TAFA2: variants seen among roughly 807,000 people sequenced by gnomAD.
TAFA2 encodes TAFA chemokine like family member 2.
Under a neutral mutation model 18.8 loss-of-function variants are expected in TAFA2, and 7 were observed. The ratio of observed to expected loss-of-function variants is 0.37; its 90% confidence interval spans 0.21 to 0.70. The LOEUF is 0.70. TAFA2 is among the 30% of genes least tolerant of loss of function. The pLI is 0.53. For synonymous variants in TAFA2, 60 were observed against 54.2 expected, an observed-to-expected ratio of 1.11 and a Z score of -0.47; for missense variants, 122 against 158.1, an observed-to-expected ratio of 0.77 and a Z score of 1.23.
chr12:61,768,848 T>C (rs941550290), intron 2 of TAFA2, among the ~76,000 whole-genome samples: 5 of 151,716 alleles, frequency 3.3e-5, no homozygotes, highest in African/African-American at 9.7e-5. Context: ...AGGGGACAAA[T>C]GGGGAGTGCA....
intron 1 of TAFA2, among the ~76,000 whole-genome samples, chr12:62,087,156 G>A (rs891517740): frequency 6.6e-6 from 1 of 152,040 alleles, no homozygotes; most frequent in African/African-American, 2.4e-5. Flanking sequence ...GGAATGGGAA[G>A]TTAGTGCTTG....
chr12:61,900,987 T>C (rs1876073419), intron 1 of TAFA2, among the ~76,000 whole-genome samples: 1 of 152,200 alleles, frequency 6.6e-6, no homozygotes, highest in Non-Finnish European at 1.5e-5. Context: ...TTCATTAAAT[T>C]GGCCAATCCA....
chr12:61,761,168 A>T lies in TAFA2; in HGVS notation c.107-6144T>A, dbSNP rs529555206. 8.5e-5 allele frequency among the ~76,000 whole-genome samples: 13 copies of T among 152,116 alleles called. No homozygotes were observed. The South Asian group carries it at 2.5e-3, about 29-fold the overall frequency. ...CTAAATATTTTCTGAAGCTATTATG[A>T]CTGGTATATTTTGAAACGAAGTCCC... On this transcript the variant is annotated intron_variant, in intron 2 of 4. Coordinates refer to ENST00000416284, the MANE Select transcript of TAFA2 (RefSeq NM_178539.5).
intron 1 of TAFA2, among the ~76,000 whole-genome samples, chr12:62,212,109 C>T (rs893638768): frequency 2.6e-5 from 4 of 152,090 alleles, no homozygotes; most frequent in African/African-American, 9.7e-5. Flanking sequence ...TTTAATTATC[C>T]TTTGTGATTC....
chr12:62,075,059 C>T (rs775998059), intron 1 of TAFA2, among the ~76,000 whole-genome samples: 4 of 152,154 alleles, frequency 2.6e-5, no homozygotes, highest in Non-Finnish European at 4.4e-5. Flanking sequence ...GAAATATGGA[C>T]ATAAATGTTA....
chr12:62,243,051 C>T (rs2062869944), intron 1 of TAFA2, among the ~76,000 whole-genome samples: 1 of 152,088 alleles, frequency 6.6e-6, no homozygotes, highest in Middle Eastern at 3.4e-3. Flanking sequence ...AAACTATAGC[C>T]TAAATTATTA....
intron 4 of TAFA2, chr12:61,720,959 T>G: frequency 1.9e-6 from 1 of 516,730 alleles, no homozygotes; most frequent in Non-Finnish European, 3.9e-6. Context: ...ACTCCACTGT[T>G]TAACAGATTA....
At chr12:62,031,752 G>A (rs962461836) in intron 1 of TAFA2, among the ~76,000 whole-genome samples, 9 of 152,144 alleles carry the variant, frequency 5.9e-5, no homozygotes, top group Admixed American at 3.3e-4. Context: ...AAAACCCTAC[G>A]ACCTCCATGT....
chr12:62,072,894 A>G, intron 1 of TAFA2, among the ~76,000 whole-genome samples: 1 of 152,210 alleles, frequency 6.6e-6, no homozygotes, highest in South Asian at 2.1e-4. Flanking sequence ...GAAAAAGTTT[A>G]CTTTAATCCT....
intron 1 of TAFA2, among the ~76,000 whole-genome samples, chr12:62,203,090 G>A (rs1024725510): frequency 1.3e-5 from 2 of 152,094 alleles, no homozygotes; most frequent in African/African-American, 4.8e-5. Context: ...GCCTCCCAAA[G>A]TGCTGAGATT....
intron 1 of TAFA2, among the ~76,000 whole-genome samples, chr12:62,131,927 A>C (rs1870702492): frequency 6.6e-6 from 1 of 151,900 alleles, no homozygotes; most frequent in Non-Finnish European, 1.5e-5. Context: ...TGTCATTCCT[A>C]TTCACAGCTT....
chr12:61,740,620 A>T (rs1868401674), intron 4 of TAFA2, among the ~76,000 whole-genome samples: 1 of 152,130 alleles, frequency 6.6e-6, no homozygotes, highest in South Asian at 2.1e-4. Context: ...CTAAAAGCCC[A>T]GACTTCATCA....
chr12:61,814,473 A>C (rs1006788262), intron 2 of TAFA2, among the ~76,000 whole-genome samples: 1 of 151,238 alleles, frequency 6.6e-6, no homozygotes, highest in African/African-American at 2.5e-5. Context: ...AATCTGGTCA[A>C]GATCTGATTC....
intron 1 of TAFA2, among the ~76,000 whole-genome samples, chr12:62,082,572 A>G (rs945293133): frequency 6.6e-6 from 1 of 152,204 alleles, no homozygotes; most frequent in Non-Finnish European, 1.5e-5. Flanking sequence ...TCTGACACAC[A>G]TGACACAGCC....
At chr12:62,092,167 A>C (rs1868741724) in intron 1 of TAFA2, among the ~76,000 whole-genome samples, 1 of 151,876 alleles carries the variant, frequency 6.6e-6, no homozygotes, top group African/African-American at 2.4e-5. Context: ...GTACCTACTC[A>C]AGAGCATGGG....
intron 1 of TAFA2, chr12:61,879,707 C>T (rs1364766613): frequency 3.6e-6 from 4 of 1,125,550 alleles, no homozygotes; most frequent in Non-Finnish European, 5.4e-6. Flanking sequence ...CCTGCAGCAG[C>T]AGAAGATGGC....
intron 1 of TAFA2, among the ~76,000 whole-genome samples, chr12:61,924,496 A>C (rs1222952149): frequency 6.6e-6 from 1 of 152,228 alleles, no homozygotes; most frequent in East Asian, 1.9e-4. Context: ...ACTAAGCTTC[A>C]TAAGCAAAAG....
chr12:61,738,848 G>C (rs1324354610), intron 4 of TAFA2, among the ~76,000 whole-genome samples: 1 of 152,060 alleles, frequency 6.6e-6, no homozygotes, highest in East Asian at 1.9e-4. Flanking sequence ...AGTATGAATA[G>C]AGATAGTAGA....
intron 2 of TAFA2, among the ~76,000 whole-genome samples, chr12:61,756,007 G>A (rs747592495): frequency 1.3e-5 from 2 of 152,036 alleles, no homozygotes; most frequent in Non-Finnish European, 2.9e-5. Flanking sequence ...CAATGGAAAA[G>A]CAGGAGATCT....
Sources: gnomAD v4.1 joint callset for allele counts (sites outside exome capture counted in the v4.1 genomes callset) on GRCh38, gnomAD v4.1.1 for gene constraint, MANE v1.5 for transcripts, NCBI Gene and HGNC (gene_info 2026-07-23, HGNC 2026-07-21) for gene names.